UXS1: variants seen among roughly 807,000 people sequenced by gnomAD.
UXS1 encodes the protein UDP-glucuronic acid decarboxylase 1.
In UXS1, 33 loss-of-function variants were observed where a neutral mutation model predicts 62.6. The ratio of observed to expected loss-of-function variants is 0.53; its 90% confidence interval spans 0.40 to 0.70. The LOEUF (loss-of-function observed/expected upper bound fraction) is 0.70. Ranked by LOEUF, UXS1 falls within the 30% of genes least tolerant of loss-of-function variation. The pLI is 0.00. For missense variants in UXS1, 434 were observed against 556.3 expected (o/e 0.78, Z 2.21); for synonymous variants, 213 against 206.8 (o/e 1.03, Z -0.26).
At position 106,124,579 on chromosome 2, in the gene UXS1, A is replaced by G. The variant is rs1455598180; in HGVS notation, c.637+1041T>C. ...GTGACTTCCATAAATTACACTCTCC[A>G]ATTATTTAGGAAGCCTAAGGAACAC... On this transcript the variant is annotated intron_variant, in intron 8 of 14. Transcript: ENST00000283148. Among the ~76,000 whole-genome samples, 3 of 152,216 alleles carry G rather than the reference A, an allele frequency of 2.0e-5. No individual in the cohort carries two copies. In the East Asian group the frequency reaches 5.8e-4, roughly 29 times the overall value.
At chr2:106,193,931 C>G (rs936004069) in intron 1 of UXS1, among the ~76,000 whole-genome samples, 2 of 151,962 alleles carry the variant, frequency 1.3e-5, no homozygotes, top group Non-Finnish European at 2.9e-5. Flanking sequence ...GCCCGGGGTC[C>G]GCGCCCGGGC....
At chr2:106,105,699 T>C (rs1355364174) in intron 10 of UXS1, among the ~76,000 whole-genome samples, 1 of 152,218 alleles carries the variant, frequency 6.6e-6, no homozygotes, top group Non-Finnish European at 1.5e-5. Context: ...CAGCATGGGA[T>C]GAGCATCTGC....
chr2:106,183,342 T>C (rs995885058), intron 1 of UXS1: 6 of 151,686 alleles, frequency 4.0e-5, no homozygotes, highest in Admixed American at 6.6e-5. Context: ...AAAAATACTA[T>C]AAAAATATTC....
chr2:106,184,444 T>C (rs992961245), intron 1 of UXS1, among the ~76,000 whole-genome samples: 1 of 152,214 alleles, frequency 6.6e-6, no homozygotes, highest in African/African-American at 2.4e-5. Context: ...TTCTCAGCTG[T>C]CTTAGTCCAT....
At chr2:106,099,546 G>A (rs1677411261) in intron 12 of UXS1, among the ~76,000 whole-genome samples, 1 of 152,100 alleles carries the variant, frequency 6.6e-6, no homozygotes, top group African/African-American at 2.4e-5. Flanking sequence ...GTGGAGTGAC[G>A]GAAATTTGCA....
intron 8 of UXS1, among the ~76,000 whole-genome samples, chr2:106,124,603 A>G (rs561311069): frequency 5.9e-5 from 9 of 152,350 alleles, no homozygotes; most frequent in African/African-American, 2.2e-4. Context: ...CCTAAGGAAC[A>G]CAGGCTCCTG....
intron 6 of UXS1, among the ~76,000 whole-genome samples, chr2:106,136,965 C>CAAAAAAAAAAAAAA (rs397701050): frequency 3.0e-4 from 16 of 54,152 alleles, no homozygotes; most frequent in East Asian, 5.8e-4. Flanking sequence ...AGAACACACA[C>CAAAAAAAAAAAAAA]AAAAAAAAAA....
Position 106,098,649 on chromosome 2 carries a change from C to A in UXS1, c.1042+67G>T. ...TTGTATTAATTACCCACTTTCTAGT[C>A]AAGGTGTTATTAACAGATAGGGCAG... is the stretch of plus-strand genomic sequence containing the variant. On this transcript the variant is annotated intron_variant, in intron 13 of 14. Coordinates refer to ENST00000283148, the MANE Select transcript of UXS1 (RefSeq NM_001253875.2). The A allele has an allele frequency of 2.3e-6, 3 of 1,325,998 alleles. No individual in the cohort carries two copies. The South Asian group carries it at 3.8e-5, about 17-fold the overall frequency. The allele number at this position is 1,325,998 out of a possible 1,614,324, so 82.1% of individuals were successfully genotyped here. A position where few individuals can be genotyped will look rare whatever the true frequency, so the allele number is the denominator to read the frequency against.
chr2:106,109,981 T>A (rs148715944), intron 10 of UXS1, among the ~76,000 whole-genome samples: 2 of 152,322 alleles, frequency 1.3e-5, no homozygotes, highest in Non-Finnish European at 2.9e-5. Context: ...AGCCGAGTGT[T>A]TCTAAAGACA....
At chr2:106,108,077 T>C (rs540745038) in intron 10 of UXS1, among the ~76,000 whole-genome samples, 117 of 152,346 alleles carry the variant, frequency 7.7e-4, no homozygotes, top group African/African-American at 2.6e-3. Flanking sequence ...TAGGCTAAGA[T>C]GCAATGTCAG....
intron 11 of UXS1, 198 bp from the exon 12 acceptor site, chr2:106,101,316 T>C (rs1024413626): frequency 5.1e-6 from 3 of 583,112 alleles, no homozygotes; most frequent in Non-Finnish European, 8.8e-6. Flanking sequence ...GATGAAATGA[T>C]ATATTTGATG....
At chr2:106,153,397 G>T (rs984853373) in intron 5 of UXS1, among the ~76,000 whole-genome samples, 9 of 152,214 alleles carry the variant, frequency 5.9e-5, no homozygotes, top group African/African-American at 1.4e-4. Flanking sequence ...GCATGAGCCT[G>T]TTAGACCCAC....
chr2:106,174,282 A>G (rs1210319318), intron 1 of UXS1, among the ~76,000 whole-genome samples: 2 of 152,204 alleles, frequency 1.3e-5, no homozygotes, highest in African/African-American at 4.8e-5. Flanking sequence ...GACAGCAGGC[A>G]ATGAACAGCT....
intron 5 of UXS1, among the ~76,000 whole-genome samples, chr2:106,157,602 A>T (rs1388982569): frequency 6.6e-6 from 1 of 152,204 alleles, no homozygotes; most frequent in East Asian, 1.9e-4. Flanking sequence ...CGATAGCCTC[A>T]AGGTGGAAAC....
At chr2:106,154,700 G>GT (rs1199119135) in intron 5 of UXS1, among the ~76,000 whole-genome samples, 3 of 152,204 alleles carry the variant, frequency 2.0e-5, no homozygotes, top group Non-Finnish European at 4.4e-5. Context: ...TCAGATGGTG[G>GT]TAACTGCAAG....
At chr2:106,181,242 T>TCCC (rs1387509505) in intron 1 of UXS1, among the ~76,000 whole-genome samples, 1 of 152,052 alleles carries the variant, frequency 6.6e-6, no homozygotes, top group Non-Finnish European at 1.5e-5. Context: ...GTACTCTTCT[T>TCCC]CCCCGCTGCC....
In UXS1 at chr2:106,194,248, G is replaced by T; in HGVS notation, c.-7C>A. On this transcript the variant is annotated 5_prime_UTR_variant, in exon 1 of 15. Transcript: ENST00000283148. Reference sequence around the variant, plus strand: ...GCAGCGCCTTGCTCACCATCCCCGGGAGCCGCGCGGGTCCAGGGCCCTACC... The same window carrying T: ...GCAGCGCCTTGCTCACCATCCCCGGTAGCCGCGCGGGTCCAGGGCCCTACC... 2 of 1,427,554 alleles carry T rather than the reference G, an allele frequency of 1.4e-6. No homozygotes were observed. The highest frequency in any genetic ancestry group is 1.8e-6 in the Non-Finnish European group (2 of 1,083,634). 88.4% of individuals were successfully genotyped at this position (1,427,554 alleles called of 1,614,324 possible). A position where few individuals can be genotyped will look rare whatever the true frequency, so the allele number is the denominator to read the frequency against.
intron 1 of UXS1, among the ~76,000 whole-genome samples, chr2:106,168,047 G>A (rs1229051824): frequency 2.6e-5 from 4 of 152,168 alleles, no homozygotes; most frequent in African/African-American, 9.7e-5. Context: ...TGTAATCCCA[G>A]CTACTTGGGA....
intron 14 of UXS1, among the ~76,000 whole-genome samples, chr2:106,095,441 T>G (rs1446608488): frequency 1.3e-5 from 2 of 152,270 alleles, no homozygotes; most frequent in Non-Finnish European, 2.9e-5. Flanking sequence ...AGGATCAGGC[T>G]GGAACTCTCA....
Sources: allele counts gnomAD v4.1 joint callset (sites outside exome capture counted in the v4.1 genomes callset), GRCh38; gene constraint gnomAD v4.1.1; transcripts MANE v1.5; gene names NCBI Gene and HGNC (gene_info 2026-07-23, HGNC 2026-07-21).